SLC4A8: variants seen among roughly 807,000 people sequenced by gnomAD.
The protein encoded by SLC4A8 is electroneutral sodium bicarbonate exchanger 1.
In SLC4A8, 40 loss-of-function variants were observed where a neutral mutation model predicts 125.0. The observed-to-expected ratio is 0.32, with a 90% CI of 0.25 to 0.42. The LOEUF (loss-of-function observed/expected upper bound fraction) is 0.42. Among genes scored for constraint, SLC4A8 ranks in the 10% least tolerant of loss-of-function variants. The pLI, the probability that SLC4A8 is intolerant of heterozygous loss-of-function variation, is 1.00. For synonymous variants in SLC4A8, 456 were observed against 476.0 expected, an observed-to-expected ratio of 0.96 and a Z score of 0.55; for missense variants, 863 against 1,355.1, an observed-to-expected ratio of 0.64 and a Z score of 5.70.
Position 51,469,709 on chromosome 12 carries a change from T to G in SLC4A8, c.1445T>G (p.Phe482Cys). 6.2e-7 allele frequency: 1 copy of G among 1,614,054 alleles called. No individual in the cohort carries two copies. The highest frequency in any genetic ancestry group is 2.2e-5 in the East Asian group (1 of 44,870). Residue 482 changes from phenylalanine to cysteine, a missense_variant, in exon 12 of 25, where the codon TTT (phenylalanine) becomes TGT (cysteine). By Grantham distance (205) the Phe-to-Cys change is radical. Transcript: ENST00000453097. ...DALSLQCLAS[F>C]LFLYCACMSP... ...CTCAGCTTACAGTGTTTGGCTTCCT[T>G]TCTGTTCCTGTACTGTGCCTGCATG...
At chr12:51,459,882 TA>T in intron 7 of SLC4A8, 68 bp from the exon 8 acceptor site, 2 of 1,390,790 alleles carry the variant, frequency 1.4e-6, no homozygotes, top group Non-Finnish European at 2.0e-6. Context: ...AAAAAGTAAA[TA>T]AAAAATTTAA....
chr12:51,398,048 AAATCCGTGAGCCACTGCGTTCTGCT>A (rs1948299162), intron 1 of SLC4A8, among the ~76,000 whole-genome samples: 1 of 152,154 alleles, frequency 6.6e-6, no homozygotes, highest in Non-Finnish European at 1.5e-5. Context: ...TGCTAGGATT[AAATCCGTGAGCCACTGCGTTCTGCT>A]CGAGTATCCT....
At position 51,457,414 on chromosome 12, in the gene SLC4A8, G is replaced by A. The variant is rs1421077864; in HGVS notation, c.638G>A (p.Arg213Gln). 5.0e-6 allele frequency: 8 copies of A among 1,613,956 alleles called. No homozygotes were observed. The highest frequency in any genetic ancestry group is 6.8e-6 in the Non-Finnish European group (8 of 1,179,920). ...AATGACAGCATGAGGGTTAAAGTGC[G>A]GGAAGCCCTTCTCAAAAAGCATCAT... ...DLNDSMRVKVREALLKKHHHQ... is the reference protein window; with the variant it reads ...DLNDSMRVKVQEALLKKHHHQ... Residue 213 changes from arginine to glutamine, a missense_variant, in exon 6 of 25, where the codon CGG (arginine) becomes CAG (glutamine). Physicochemically the swap from Arg to Gln is conservative, Grantham distance 43. Around this residue, in one of 6 missense-constraint regions of SLC4A8, gnomAD observed 390 missense variants for 634.4 expected, o/e 0.61. Coordinates refer to ENST00000453097, the MANE Select transcript of SLC4A8 (RefSeq NM_001039960.3).
At chr12:51,469,840 T>C (rs761057959) in intron 12 of SLC4A8, 52 bp downstream of exon 12, 61 of 1,576,122 alleles carry the variant, frequency 3.9e-5, no homozygotes, top group Non-Finnish European at 4.8e-5. Flanking sequence ...TAAAATATTG[T>C]GGCGGCAGCC....
intron 1 of SLC4A8, among the ~76,000 whole-genome samples, chr12:51,440,475 C>A (rs1373984616): frequency 6.6e-6 from 1 of 151,564 alleles, no homozygotes; most frequent in African/African-American, 2.4e-5. Context: ...ATTTGTGACC[C>A]TGGGCCATCA....
Position 51,469,731 on chromosome 12 carries a change from C to T in SLC4A8, c.1467C>T (p.Cys489=), listed in dbSNP as rs1950637145. 5 of 1,613,950 alleles carry T rather than the reference C, an allele frequency of 3.1e-6. 1 individual carries two copies. The African/African-American group carries it at 4.0e-5, about 13-fold the overall frequency. The change falls in exon 12 of 25, where the codon TGC becomes TGT. Residue 489 remains cysteine, a synonymous_variant. Coordinates refer to ENST00000453097, the MANE Select transcript of SLC4A8 (RefSeq NM_001039960.3). ...CCTTTCTGTTCCTGTACTGTGCCTG[C>T]ATGTCACCTGTCATCACCTTTGGGG... ...LASFLFLYCA[C]MSPVITFGGL... is the part of the protein sequence containing the mutation.
At chr12:51,439,664 G>A (rs1949533646) in intron 1 of SLC4A8, among the ~76,000 whole-genome samples, 1 of 152,164 alleles carries the variant, frequency 6.6e-6, no homozygotes, top group Non-Finnish European at 1.5e-5. Flanking sequence ...GGAGCATGTA[G>A]GGAAGAGTGG....
At chr12:51,467,854 C>T (rs2138281406) in intron 11 of SLC4A8, among the ~76,000 whole-genome samples, 1 of 152,272 alleles carries the variant, frequency 6.6e-6, no homozygotes, top group South Asian at 2.1e-4. Flanking sequence ...CAGTATGCAT[C>T]TCTTTAATTA....
intron 11 of SLC4A8, among the ~76,000 whole-genome samples, chr12:51,464,776 A>G (rs527565028): frequency 1.3e-5 from 2 of 152,296 alleles, no homozygotes; most frequent in South Asian, 2.1e-4. Context: ...CACTCTACCC[A>G]GTGGAAACTC....
chr12:51,403,861 C>A (rs115635280), intron 1 of SLC4A8, among the ~76,000 whole-genome samples: 1,844 of 152,370 alleles, frequency 0.012, 52 homozygotes, highest in African/African-American at 0.043. Flanking sequence ...GCTAGCATTG[C>A]TAAAAGGCAT....
chr12:51,485,656 AAT>A (rs1253425755), intron 16 of SLC4A8, 129 bp from the exon 17 acceptor site: 10 of 598,502 alleles, frequency 1.7e-5, no homozygotes, highest in Non-Finnish European at 2.1e-5. Context: ...CTGTTGTTTA[AAT>A]TTGCTTGCAT....
chr12:51,416,191 C>T, intron 1 of SLC4A8, among the ~76,000 whole-genome samples: 1 of 126,612 alleles, frequency 7.9e-6, no homozygotes, highest in Admixed American at 8.1e-5. Flanking sequence ...GGGAATTTGC[C>T]TGTTTGATGG....
At chr12:51,406,899 C>T (rs769677234) in intron 1 of SLC4A8, among the ~76,000 whole-genome samples, 16 of 152,208 alleles carry the variant, frequency 1.1e-4, no homozygotes, top group Non-Finnish European at 1.5e-4. Flanking sequence ...CTGCAGAAGC[C>T]GGGCAACGTT....
At chr12:51,440,972 C>A (rs1232144243) in intron 2 of SLC4A8, 183 bp downstream of exon 2, 7 of 976,862 alleles carry the variant, frequency 7.2e-6, no homozygotes, top group Non-Finnish European at 9.7e-6. Context: ...CTTGTCCTAC[C>A]TTACAGGGAT....
chr12:51,463,407 T>TGG (rs1200275781), intron 10 of SLC4A8, among the ~76,000 whole-genome samples: 89 of 133,074 alleles, frequency 6.7e-4, no homozygotes, highest in African/African-American at 1.6e-3. Context: ...AGAGAAATTA[T>TGG]GGGGTGTGTG....
intron 1 of SLC4A8, chr12:51,425,453 G>A: frequency 1.0e-6 from 1 of 999,906 alleles, no homozygotes; most frequent in African/African-American, 1.7e-5. Context: ...ATTTCTGGGG[G>A]TTTCTGGTTC....
chr12:51,440,324 A>G (rs1949553398), intron 1 of SLC4A8, among the ~76,000 whole-genome samples: 1 of 151,934 alleles, frequency 6.6e-6, no homozygotes, highest in South Asian at 2.1e-4. Flanking sequence ...CTGAGGTAGG[A>G]GAATTGTTTG....
intron 1 of SLC4A8, among the ~76,000 whole-genome samples, chr12:51,436,527 G>A (rs1488995751): frequency 6.6e-6 from 1 of 151,838 alleles, no homozygotes; most frequent in Non-Finnish European, 1.5e-5. Context: ...TTCTATCTTT[G>A]TCTCTTCCAT....
chr12:51,399,852 C>T (rs575655093), intron 1 of SLC4A8, among the ~76,000 whole-genome samples: 2 of 152,162 alleles, frequency 1.3e-5, no homozygotes, highest in Non-Finnish European at 2.9e-5. Flanking sequence ...CATGGTGATG[C>T]GTTCCTATAA....
Sources: allele counts gnomAD v4.1 joint callset (sites outside exome capture counted in the v4.1 genomes callset), GRCh38; gene constraint gnomAD v4.1.1; regional missense constraint gnomAD v4.1.1; transcripts MANE v1.5; gene names NCBI Gene and HGNC (gene_info 2026-07-23, HGNC 2026-07-21).